MED13L: variants seen among roughly 807,000 people sequenced by gnomAD.
MED13L encodes mediator complex subunit 13L, also known as mediator of RNA polymerase II transcription subunit 13-like.
MED13L carries 7 observed loss-of-function variants against 220.9 expected under a neutral mutation model. The observed-to-expected ratio is 0.03, with a 90% CI of 0.02 to 0.06. The LOEUF is 0.06. MED13L is among the 10% of genes least tolerant of loss of function. The pLI, the probability that MED13L is intolerant of heterozygous loss-of-function variation, is 1.00. For missense variants in MED13L, 1,965 were observed against 2,760.5 expected (o/e 0.71, Z 6.46); for synonymous variants, 1,011 against 1,015.2 (o/e 1.00, Z 0.08).
At chr12:116,012,964 T>C (rs1400970183) in intron 8 of MED13L, 63 bp from the exon 9 acceptor site, 2 of 1,190,452 alleles carry the variant, frequency 1.7e-6, no homozygotes, top group African/African-American at 3.0e-5. Flanking sequence ...GGGAGAAAAA[T>C]GTTCAAGAGT....
chr12:116,158,793 CATTTA>C (rs1434512688), intron 2 of MED13L, among the ~76,000 whole-genome samples: 4 of 152,146 alleles, frequency 2.6e-5, no homozygotes, highest in African/African-American at 4.8e-5. Context: ...TATATTATCT[CATTTA>C]ATTTCTATAA....
intron 2 of MED13L, among the ~76,000 whole-genome samples, chr12:116,234,643 A>T (rs552419390): frequency 6.6e-6 from 1 of 152,194 alleles, no homozygotes; most frequent in South Asian, 2.1e-4. Context: ...GCCTGCTAAA[A>T]GGATTCTGCT....
At chr12:116,206,990 A>G (rs565073778) in intron 2 of MED13L, among the ~76,000 whole-genome samples, 1 of 152,310 alleles carries the variant, frequency 6.6e-6, no homozygotes, top group Admixed American at 6.5e-5. Flanking sequence ...GAGTGACTTT[A>G]AAGCATAGTA....
At chr12:116,012,460 T>C (rs1394975294) in intron 9 of MED13L, among the ~76,000 whole-genome samples, 2 of 152,174 alleles carry the variant, frequency 1.3e-5, no homozygotes, top group African/African-American at 4.8e-5. Context: ...CTCAAGCCCA[T>C]CTGTTTTTAA....
At chr12:116,125,936 A>G (rs916546154) in intron 2 of MED13L, among the ~76,000 whole-genome samples, 3 of 152,222 alleles carry the variant, frequency 2.0e-5, no homozygotes, top group Non-Finnish European at 4.4e-5. Context: ...ACAAATTATT[A>G]TTCTCAACTT....
chr12:116,005,852 AG>A lies in MED13L; in HGVS notation c.2469+16del, dbSNP rs763745464. The A allele has an allele frequency of 6.2e-6, 10 of 1,613,682 alleles. No individual in the cohort carries two copies. Among genetic ancestry groups the A allele is most frequent in the Admixed American group, 1.7e-5 (1 of 60,014 alleles). On this transcript the variant is annotated intron_variant, in intron 13 of 30. Transcript: ENST00000281928. The stretch of plus-strand genomic sequence containing the variant: ...CATGTAGCGAAATTTTTGTTTATGT[AG>A]CTACGGCAAACTCACCCCAAGTTCG...
At chr12:116,082,110 C>G (rs868607163) in intron 4 of MED13L, among the ~76,000 whole-genome samples, 1 of 152,236 alleles carries the variant, frequency 6.6e-6, no homozygotes, top group Middle Eastern at 3.4e-3. Context: ...TAGTTACTTC[C>G]AATGACAGAC....
intron 2 of MED13L, among the ~76,000 whole-genome samples, chr12:116,131,129 G>A (rs1876031974): frequency 6.6e-6 from 1 of 152,118 alleles, no homozygotes; most frequent in South Asian, 2.1e-4. Flanking sequence ...ATGTCCTCTG[G>A]GGGGTAAAAA....
intron 1 of MED13L, among the ~76,000 whole-genome samples, chr12:116,263,650 C>A (rs1299285149): frequency 6.6e-6 from 1 of 152,204 alleles, no homozygotes; most frequent in Admixed American, 6.5e-5. Flanking sequence ...GGATATCACA[C>A]AAACCAAACT....
chr12:115,970,441 A>C (rs1288196996), intron 27 of MED13L, among the ~76,000 whole-genome samples, 153 bp downstream of exon 27: 1 of 152,250 alleles, frequency 6.6e-6, no homozygotes, highest in Non-Finnish European at 1.5e-5. Context: ...CAAAGCTTTA[A>C]GACCAAATAG....
At chr12:115,976,197 A>G (rs1660603323) in intron 23 of MED13L, among the ~76,000 whole-genome samples, 1 of 152,216 alleles carries the variant, frequency 6.6e-6, no homozygotes, top group Admixed American at 6.5e-5. Context: ...TATGTTTACC[A>G]AAAAACAGGT....
At chr12:116,155,331 G>A (rs771278279) in intron 2 of MED13L, among the ~76,000 whole-genome samples, 76 of 152,118 alleles carry the variant, frequency 5.0e-4, no homozygotes, top group Non-Finnish European at 8.1e-4. Flanking sequence ...ACTGAGGTGG[G>A]AGGATTGCTT....
At chr12:116,045,232 G>T (rs937238867) in intron 4 of MED13L, among the ~76,000 whole-genome samples, 3 of 152,108 alleles carry the variant, frequency 2.0e-5, no homozygotes, top group Admixed American at 6.5e-5. Flanking sequence ...AAATCCTTTT[G>T]AACACTGGTG....
intron 2 of MED13L, among the ~76,000 whole-genome samples, chr12:116,191,424 G>A (rs1258089385): frequency 2.0e-5 from 3 of 151,982 alleles, no homozygotes; most frequent in Non-Finnish European, 4.4e-5. Flanking sequence ...TCCACCCCCT[G>A]GGTTCAAGCA....
rs1875746607 is a variant in MED13L at position 115,961,420 on chromosome 12, G to C, written c.6501-22C>G. On this transcript the variant is annotated intron_variant, in intron 30 of 30. Transcript: ENST00000281928. ...AAACCTGCCAAAGAGAACACACAGA[G>C]CAGGGGCGTGAGCCTCAAGAGGGAA... 2.5e-6 allele frequency: 4 copies of C among 1,612,830 alleles called. No individual in the cohort carries two copies. In the East Asian group the frequency reaches 8.9e-5, roughly 36 times the overall value.
In MED13L at chr12:116,139,914, G is replaced by A. The variant is rs533826343; in HGVS notation, c.311-28402C>T. ...GAACCAGGGAGGCGGAGGTTGCAGT[G>A]AGCTGAGATTGTGCCACTGCGCTGC... On this transcript the variant is annotated intron_variant, in intron 2 of 30. Transcript: ENST00000281928. Among the ~76,000 whole-genome samples the A allele has an allele frequency of 2.1e-5, 3 of 145,656 alleles. No homozygotes were observed. The East Asian group carries it at 6.1e-4, about 30-fold the overall frequency.
At chr12:116,127,440 T>C (rs1321709778) in intron 2 of MED13L, among the ~76,000 whole-genome samples, 4 of 152,202 alleles carry the variant, frequency 2.6e-5, no homozygotes, top group Admixed American at 2.6e-4. Flanking sequence ...ATAATTACTA[T>C]AAATCTTTAC....
At chr12:116,213,936 C>G (rs1882853952) in intron 2 of MED13L, among the ~76,000 whole-genome samples, 1 of 152,168 alleles carries the variant, frequency 6.6e-6, no homozygotes, top group African/African-American at 2.4e-5. Context: ...TCGTACCTAG[C>G]AAACACAGTG....
At chr12:116,074,472 T>G (rs61939687) in intron 4 of MED13L, among the ~76,000 whole-genome samples, 12,388 of 152,282 alleles carry the variant, frequency 0.081, 562 homozygotes, top group Middle Eastern at 0.11. Context: ...AGAATACTTT[T>G]TCTTTTATGT....
Sources: allele counts gnomAD v4.1 joint callset (sites outside exome capture counted in the v4.1 genomes callset), GRCh38; gene constraint gnomAD v4.1.1; transcripts MANE v1.5; gene names NCBI Gene and HGNC (gene_info 2026-07-23, HGNC 2026-07-21).